The following PUDP variants were observed in gnomAD, a reference collection of about 807,000 sequenced individuals.
The protein encoded by PUDP is pseudouridine-5'-phosphatase.
In PUDP, 8 loss-of-function variants were observed where a neutral mutation model predicts 9.4. The observed-to-expected ratio is 0.85, with a 90% confidence interval of 0.50 to 1.53. The LOEUF (loss-of-function observed/expected upper bound fraction) is 1.53. PUDP is among the 40% of genes most tolerant of loss of function. The probability of loss-of-function intolerance (pLI) is 0.00; values close to 1 mark genes in which losing one functional copy is unlikely to be tolerated. For missense variants in PUDP, 188 were observed against 189.7 expected, an observed-to-expected ratio of 0.99 and a Z score of 0.05; for synonymous variants, 99 against 80.7, an observed-to-expected ratio of 1.23 and a Z score of -1.22.
chrX:7,019,045 C>T (rs1400386866), intron 1 of PUDP, among the ~76,000 whole-genome samples: 1 of 112,002 alleles, frequency 8.9e-6, no homozygotes, highest in African/African-American at 3.2e-5. Context: ...GAGCACATCT[C>T]CCCATGACCT....
intron 3 of PUDP, among the ~76,000 whole-genome samples, chrX:6,734,343 C>T (rs1175509504): frequency 8.9e-6 from 1 of 111,831 alleles, no homozygotes; most frequent in African/African-American, 3.3e-5. Context: ...GATTAAATTT[C>T]AAACGTCTTA....
chrX:6,920,184 G>A (rs952655433), intron 3 of PUDP, among the ~76,000 whole-genome samples: 1 of 110,221 alleles, frequency 9.1e-6, no homozygotes, highest in Non-Finnish European at 1.9e-5. Flanking sequence ...GGAACCTTCA[G>A]CTCTAATATT....
chrX:7,126,949 A>G (rs193146329), intron 1 of PUDP, among the ~76,000 whole-genome samples: 2 of 111,911 alleles, frequency 1.8e-5, no homozygotes, highest in Admixed American at 1.9e-4. Context: ...AAGAATACAT[A>G]TTTGCATATG....
At chrX:7,059,428 T>C (rs982758379) in intron 3 of PUDP, among the ~76,000 whole-genome samples, 1 of 112,017 alleles carries the variant, frequency 8.9e-6, no homozygotes, top group Admixed American at 9.4e-5. Context: ...TTCTAGATGG[T>C]CACTAGAATC....
chrX:7,078,751 G>C (rs1462614773), intron 2 of PUDP, among the ~76,000 whole-genome samples: 1 of 112,061 alleles, frequency 8.9e-6, no homozygotes, highest in Non-Finnish European at 1.9e-5. Context: ...TGGAGCACCT[G>C]ACCCTCTAAA....
chrX:6,839,978 C>T (rs764895233), intron 3 of PUDP, among the ~76,000 whole-genome samples: 60 of 110,719 alleles, frequency 5.4e-4, no homozygotes, highest in Non-Finnish European at 8.9e-4. Context: ...TGGAAGCAAC[C>T]GAGATATCCT....
chrX:7,052,728 T>C (rs926945320), intron 3 of PUDP, among the ~76,000 whole-genome samples: 2 of 111,866 alleles, frequency 1.8e-5, no homozygotes, highest in Non-Finnish European at 3.8e-5. Context: ...GGAACTTGGT[T>C]GGCCCAGCTG....
At chrX:6,722,080 G>T (rs902378046), upstream of PUDP, among the ~76,000 whole-genome samples, 1 of 109,903 alleles carries the variant, frequency 9.1e-6, no homozygotes, top group Non-Finnish European at 1.9e-5. Flanking sequence ...GTGTAGAAAT[G>T]GGGGGAGAGG....
intron 3 of PUDP, among the ~76,000 whole-genome samples, chrX:6,974,110 A>T (rs1928918627): frequency 9.0e-6 from 1 of 111,488 alleles, no homozygotes; most frequent in African/African-American, 3.3e-5. Context: ...TGCATGTGAG[A>T]TGGGTATGTT....
intron 1 of PUDP, among the ~76,000 whole-genome samples, chrX:7,130,647 C>G (rs1932596143): frequency 9.0e-6 from 1 of 110,827 alleles, no homozygotes; most frequent in African/African-American, 3.3e-5. Flanking sequence ...AACCCCATCT[C>G]TACTAAAAAT....
intron 1 of PUDP, among the ~76,000 whole-genome samples, chrX:7,146,140 G>A (rs935783143): frequency 3.6e-5 from 4 of 110,849 alleles, no homozygotes; most frequent in Non-Finnish European, 7.6e-5. Flanking sequence ...TGAGGGGGGG[G>A]AATAAAAAGA....
chrX:6,810,884 C>T (rs1013253862), intron 3 of PUDP, among the ~76,000 whole-genome samples: 10 of 111,774 alleles, frequency 8.9e-5, no homozygotes, highest in Non-Finnish European at 1.7e-4. Flanking sequence ...TTCTTTCCAC[C>T]ACCCACATGG....
intron 1 of PUDP, among the ~76,000 whole-genome samples, chrX:7,020,732 G>A (rs1314826773): frequency 8.9e-6 from 1 of 112,573 alleles, no homozygotes. Context: ...AACAAAAAAT[G>A]AAATGCAATT....
chrX:7,107,477 T>G (rs184257056), intron 1 of PUDP, among the ~76,000 whole-genome samples: 4 of 112,339 alleles, frequency 3.6e-5, no homozygotes, highest in Admixed American at 1.9e-4. Flanking sequence ...TATGCATGCT[T>G]GTCTGTAATT....
At chrX:6,987,206 A>G (rs1336617475) in intron 1 of PUDP, among the ~76,000 whole-genome samples, 1 of 112,287 alleles carries the variant, frequency 8.9e-6, no homozygotes, top group Non-Finnish European at 1.9e-5. Context: ...ACCTGGGAAG[A>G]AAAATGCAAA....
chrX:7,076,241 G>C (rs1930896462), intron 3 of PUDP, among the ~76,000 whole-genome samples: 2 of 112,114 alleles, frequency 1.8e-5, no homozygotes, highest in Non-Finnish European at 1.9e-5. Flanking sequence ...GCTCGTGATT[G>C]GTGTCACTGG....
chrX:6,708,721 G>A (rs1354629874), intron 1 of PUDP, among the ~76,000 whole-genome samples: 1 of 111,731 alleles, frequency 9.0e-6, no homozygotes, highest in Non-Finnish European at 1.9e-5. Context: ...CATGACCAAG[G>A]TCCCAAGACA....
chrX:7,003,518 T>A (rs990015171), intron 1 of PUDP, among the ~76,000 whole-genome samples: 1 of 112,404 alleles, frequency 8.9e-6, no homozygotes, highest in African/African-American at 3.2e-5. Flanking sequence ...TATATGTGCC[T>A]ATTTGATCAA....
intron 1 of PUDP, among the ~76,000 whole-genome samples, chrX:7,137,037 C>T (rs999879460): frequency 8.1e-5 from 9 of 111,284 alleles, no homozygotes; most frequent in African/African-American, 2.3e-4. Context: ...GTCAGGAGTT[C>T]GAGACCTGCC....
Sources: gnomAD v4.1 joint callset for allele counts (sites outside exome capture counted in the v4.1 genomes callset) on GRCh38, gnomAD v4.1.1 for gene constraint, MANE v1.5 for transcripts, NCBI Gene and HGNC (gene_info 2026-07-23, HGNC 2026-07-21) for gene names.